Variants in SLBP observed in about 807,000 individuals in gnomAD.
SLBP encodes histone RNA hairpin-binding protein.
A neutral mutation model predicts 39.2 loss-of-function variants in SLBP; 29 were observed. That is an observed-to-expected ratio of 0.74 (90% confidence interval 0.55 to 1.01). The LOEUF (loss-of-function observed/expected upper bound fraction) is 1.01. Ranked by LOEUF, SLBP falls within the 50% of genes least tolerant of loss-of-function variation. The pLI, the probability that SLBP is intolerant of heterozygous loss-of-function variation, is 0.00. For synonymous variants in SLBP, 129 were observed against 118.7 expected (o/e 1.09, Z -0.57); for missense variants, 390 against 350.2 (o/e 1.11, Z -0.91).
At chr4:1,703,541 ATG>A (rs1231537360) in intron 3 of SLBP, 53 bp downstream of exon 3, 16 of 1,062,632 alleles carry the variant, frequency 1.5e-5, no homozygotes, top group Non-Finnish European at 2.1e-5. Context: ...ATCAAATTTA[ATG>A]TGTTACTGAA....
chr4:1,697,784 C>T (rs1418063431), intron 5 of SLBP, among the ~76,000 whole-genome samples: 2 of 151,782 alleles, frequency 1.3e-5, no homozygotes, highest in East Asian at 1.9e-4. Context: ...GCGGAGGTTG[C>T]GGTGAGCCAA....
Position 1,693,084 on chromosome 4 carries a change from G to A in SLBP, c.*513C>T, listed in dbSNP as rs2109111129. On this transcript the variant is annotated 3_prime_UTR_variant, in exon 8 of 8. Transcript: ENST00000489418. ...TTACATAAAACTCATTAGTTTAATAGCTCAATTTAACAATGTCTGACTTCA... is the reference window on the plus strand; with the variant it reads ...TTACATAAAACTCATTAGTTTAATAACTCAATTTAACAATGTCTGACTTCA... 6.4e-6 allele frequency: 1 copy of A among 155,886 alleles called. No individual in the cohort carries two copies. Among genetic ancestry groups the A allele is most frequent in the African/African-American group, 2.4e-5 (1 of 41,582 alleles). 9.7% of individuals were successfully genotyped at this position (155,886 alleles called of 1,614,324 possible).
chr4:1,705,132 G>T (rs1443289795), intron 2 of SLBP, among the ~76,000 whole-genome samples: 4 of 151,974 alleles, frequency 2.6e-5, no homozygotes, highest in Non-Finnish European at 5.9e-5. Flanking sequence ...TCTCCATGTT[G>T]GCCAGGCTGG....
rs981878416 is a variant in SLBP, at chr4:1,703,581, G to T, written c.281+15C>A. ...CGCCACAGATTAACACTTCAAGGTG[G>T]TCCAAAATGTGTACCTTGCCATTTC... On this transcript the variant is annotated intron_variant, in intron 3 of 7. Coordinates refer to ENST00000489418, the MANE Select transcript of SLBP (RefSeq NM_006527.4). 2.0e-6 allele frequency: 3 copies of T among 1,489,146 alleles called. No individual in the cohort carries two copies. In the Admixed American group the frequency reaches 5.0e-5, roughly 25 times the overall value. The allele number at this position is 1,489,146 out of a possible 1,614,324, so 92.2% of individuals were successfully genotyped here.
Position 1,712,180 on chromosome 4 carries a change from G to A in SLBP, c.9C>T (p.Cys3=). 2 of 1,236,364 alleles carry A rather than the reference G, an allele frequency of 1.6e-6. No individual in the cohort carries two copies. The highest frequency in any genetic ancestry group is 3.3e-5 in the East Asian group (1 of 30,268). 76.6% of individuals were successfully genotyped at this position (1,236,364 alleles called of 1,614,324 possible). A position where few individuals can be genotyped will look rare whatever the true frequency, so the allele number is the denominator to read the frequency against. MA[C]RPRSPPRHQS... ...GATGCCTCGGCGGGCTTCGCGGGCG[G>A]CAGGCCATGGCAGCACGGGCCGGGC... Residue 3 remains cysteine, a synonymous_variant, in exon 1 of 8, where the codon TGC becomes TGT. Coordinates refer to ENST00000489418, the MANE Select transcript of SLBP (RefSeq NM_006527.4).
At chr4:1,694,006 T>C (rs186052957) in intron 7 of SLBP, among the ~76,000 whole-genome samples, 312 of 152,300 alleles carry the variant, frequency 2.0e-3, no homozygotes, top group Non-Finnish European at 2.3e-3. Flanking sequence ...ACAGAAAGAA[T>C]TGTAAAAGCC....
intron 3 of SLBP, among the ~76,000 whole-genome samples, chr4:1,702,551 TACTTCA>T (rs1050374797): frequency 2.1e-4 from 32 of 152,202 alleles, no homozygotes; most frequent in African/African-American, 7.2e-4. Flanking sequence ...TCTTGTAAAA[TACTTCA>T]ACCAATTATG....
intron 5 of SLBP, among the ~76,000 whole-genome samples, chr4:1,697,421 A>C (rs770700091): frequency 2.0e-5 from 3 of 151,992 alleles, no homozygotes; most frequent in African/African-American, 4.8e-5. Context: ...GTGAGCCAAA[A>C]TCGTGCCACT....
At position 1,709,049 on chromosome 4, in the gene SLBP, G is replaced by A. The variant is rs541496042; in HGVS notation, c.176+2825C>T. Among the ~76,000 whole-genome samples, 38 of 151,200 alleles carry A rather than the reference G, an allele frequency of 2.5e-4. No individual in the cohort carries two copies. The South Asian group carries it at 7.5e-3, about 30-fold the overall frequency. On this transcript the variant is annotated intron_variant, in intron 2 of 7. Transcript: ENST00000489418. ...CCTAGGGCCTCTTCTGTACCCACCCGTAGACCCAAGTCTTTTGTCTTTTTT... is the reference window on the plus strand; with the variant it reads ...CCTAGGGCCTCTTCTGTACCCACCCATAGACCCAAGTCTTTTGTCTTTTTT...
At chr4:1,706,461 C>T (rs1474210294) in intron 2 of SLBP, among the ~76,000 whole-genome samples, 1 of 152,152 alleles carries the variant, frequency 6.6e-6, no homozygotes, top group Admixed American at 6.5e-5. Flanking sequence ...TGAGTTAAAC[C>T]ACATCCAGGA....
intron 5 of SLBP, 108 bp from the exon 6 acceptor site, chr4:1,696,459 A>C: frequency 1.1e-6 from 1 of 911,868 alleles, no homozygotes; most frequent in Non-Finnish European, 1.6e-6. Context: ...AATATTACAG[A>C]TCACCAGGCA....
chr4:1,711,153 ATTT>A (rs56291020), intron 2 of SLBP, among the ~76,000 whole-genome samples: 1 of 145,830 alleles, frequency 6.9e-6, no homozygotes, highest in Non-Finnish European at 1.5e-5. Context: ...GTTGGGTCCG[ATTT>A]TTTTTTTTCC....
chr4:1,693,754 C>T (rs746698913), intron 7 of SLBP, 41 bp from the exon 8 acceptor site: 3 of 1,363,644 alleles, frequency 2.2e-6, no homozygotes, highest in South Asian at 1.2e-5. Context: ...TTCATCTCAC[C>T]CTGAAAACAG....
intron 3 of SLBP, among the ~76,000 whole-genome samples, chr4:1,702,445 A>G (rs745529081): frequency 2.5e-4 from 38 of 152,176 alleles, no homozygotes; most frequent in Non-Finnish European, 5.9e-5. Context: ...TGGCTGCCAA[A>G]ATGAAAACAG....
At chr4:1,711,152 G>C (rs980495769) in intron 2 of SLBP, among the ~76,000 whole-genome samples, 1 of 131,792 alleles carries the variant, frequency 7.6e-6, no homozygotes, top group African/African-American at 2.5e-5. Context: ...AGTTGGGTCC[G>C]ATTTTTTTTT....
At chr4:1,709,128 A>G (rs1716634065) in intron 2 of SLBP, among the ~76,000 whole-genome samples, 2 of 149,800 alleles carry the variant, frequency 1.3e-5, no homozygotes, top group African/African-American at 5.0e-5. Context: ...CAATGGCGTG[A>G]TCTCGGCTCA....
chr4:1,698,491 A>T (rs1276185321), intron 5 of SLBP, among the ~76,000 whole-genome samples: 5 of 147,930 alleles, frequency 3.4e-5, no homozygotes, highest in Admixed American at 6.7e-5. Context: ...AAAAAAAAAA[A>T]TTGTTTTTTT....
chr4:1,694,787 G>T lies in SLBP; in HGVS notation c.683C>A (p.Ser228Tyr). The T allele has an allele frequency of 6.2e-7, 1 of 1,613,040 alleles. No homozygotes were observed. Among genetic ancestry groups the T allele is most frequent in the Non-Finnish European group, 8.5e-7 (1 of 1,178,976 alleles). Reference sequence around the variant, plus strand: ...CAAAGTACTTACAAAGTCATCCTGAGAGCTGGTCTGGGGCTCGGAGCTGCT... The same window carrying T: ...CAAAGTACTTACAAAGTCATCCTGATAGCTGGTCTGGGGCTCGGAGCTGCT... Reference protein sequence around the residue: ...AESSSEPQTSSQDDFDVYSGT... With the variant: ...AESSSEPQTSYQDDFDVYSGT... Residue 228 changes from serine to tyrosine, a missense_variant, in exon 7 of 8, where the codon TCT (serine) becomes TAT (tyrosine). Ser to Tyr is a moderately radical substitution (Grantham distance 144). Coordinates refer to ENST00000489418, the MANE Select transcript of SLBP (RefSeq NM_006527.4).
chr4:1,699,615 T>G lies in SLBP; in HGVS notation c.428A>C (p.Asn143Thr). 6.2e-7 allele frequency: 1 copy of G among 1,613,894 alleles called. No individual in the cohort carries two copies. The highest frequency in any genetic ancestry group is 8.5e-7 in the Non-Finnish European group (1 of 1,179,726). The change falls in exon 5 of 8, where the codon AAC (asparagine) becomes ACC (threonine). Residue 143 changes from asparagine (N) to threonine (T), a missense_variant. Physicochemically the swap from Asn to Thr is moderately conservative, Grantham distance 65 (BLOSUM62 0). Transcript: ENST00000489418. Reference protein sequence around the residue: ...SVLMRRQKQINYGKNTIAYDR... With the variant: ...SVLMRRQKQITYGKNTIAYDR... ...GTAGGCAATTGTGTTCTTCCCATAG[T>G]TGATCTGCTTCTGTCTCCTCATTAG...
Sources: allele counts gnomAD v4.1 joint callset (sites outside exome capture counted in the v4.1 genomes callset), GRCh38; gene constraint gnomAD v4.1.1; transcripts MANE v1.5; gene names NCBI Gene and HGNC (gene_info 2026-07-23, HGNC 2026-07-21).